USP9Y: variants seen among roughly 807,000 people sequenced by gnomAD.
USP9Y encodes the protein ubiquitin carboxyl-terminal hydrolase 9Y.
In USP9Y, 41 loss-of-function variants were observed where a neutral mutation model predicts 53.1. The ratio of observed to expected loss-of-function variants is 0.77; its 90% CI spans 0.60 to 1.00. The LOEUF (loss-of-function observed/expected upper bound fraction) is 1.00. USP9Y is among the 50% of genes least tolerant of loss of function. The pLI, the probability that USP9Y is intolerant of heterozygous loss-of-function variation, is 0.00. For synonymous variants in USP9Y, 220 were observed against 173.7 expected (o/e 1.27, Z -2.09); for missense variants, 567 against 535.8 (o/e 1.06, Z -0.58).
At chrY:12,745,440 G>A in intron 12 of USP9Y, among the ~76,000 whole-genome samples, 3 of 32,960 alleles carry the variant, frequency 9.1e-5, no homozygotes, top group Non-Finnish European at 1.5e-4. Context: ...TCCTAGGGCT[G>A]TGAGAAAGTG....
intron 22 of USP9Y, among the ~76,000 whole-genome samples, chrY:12,784,249 A>G (rs2053499935): frequency 2.9e-5 from 1 of 34,056 alleles, no homozygotes; most frequent in Non-Finnish European, 7.3e-5. Context: ...GAACATAAAA[A>G]GCATCAGCAG....
At chrY:12,824,919 G>GGTTT (rs2053544815) in intron 33 of USP9Y, among the ~76,000 whole-genome samples, 5 of 31,880 alleles carry the variant, frequency 1.6e-4, no homozygotes, top group Non-Finnish European at 3.1e-4. Context: ...TGTTTTTGTT[G>GGTTT]GTTTGTTTGT....
chrY:12,763,156 G>A (rs2053477005), intron 15 of USP9Y, among the ~76,000 whole-genome samples: 3 of 33,222 alleles, frequency 9.0e-5, no homozygotes, highest in African/African-American at 2.3e-4. Context: ...GTTTATTTTT[G>A]TAAAAACATT....
intron 33 of USP9Y, among the ~76,000 whole-genome samples, chrY:12,832,744 A>T: frequency 3.0e-5 from 1 of 33,370 alleles, no homozygotes; most frequent in African/African-American, 1.2e-4. Context: ...AGAACAGATC[A>T]GTGGTTGCCA....
intron 13 of USP9Y, 41 bp from the exon 14 acceptor site, chrY:12,758,465 G>C: frequency 2.9e-6 from 1 of 346,945 alleles, no homozygotes; most frequent in South Asian, 3.4e-5. Context: ...ATTACATTGA[G>C]TATTGATCCA....
intron 42 of USP9Y, among the ~76,000 whole-genome samples, chrY:12,851,821 C>CT (rs2053571412): frequency 2.4e-4 from 8 of 33,408 alleles, no homozygotes; most frequent in Non-Finnish European, 4.4e-4. Context: ...AAATTCTTTT[C>CT]TTTAAGAACA....
intron 12 of USP9Y, among the ~76,000 whole-genome samples, chrY:12,740,070 A>G (rs2148282259): frequency 3.0e-5 from 1 of 33,457 alleles, no homozygotes; most frequent in East Asian, 7.6e-4. Flanking sequence ...TTTTGGCACA[A>G]TGGTCTCGCT....
At chrY:12,717,642 C>T in intron 3 of USP9Y, among the ~76,000 whole-genome samples, 1 of 33,358 alleles carries the variant, frequency 3.0e-5, no homozygotes, top group Admixed American at 2.7e-4. Context: ...GACCTAGACT[C>T]ACAAATCACA....
intron 3 of USP9Y, among the ~76,000 whole-genome samples, chrY:12,719,947 C>T: frequency 3.1e-5 from 1 of 31,955 alleles, no homozygotes; most frequent in Non-Finnish European, 7.7e-5. Flanking sequence ...CCACCATATC[C>T]GTTTTTGTTT....
rs74364776 is a variant in USP9Y, at chrY:12,740,027, G to T, written c.1422+398G>T. Among the ~76,000 whole-genome samples the T allele has an allele frequency of 0.018, 595 of 33,021 alleles. No homozygotes were observed. In the East Asian group the frequency reaches 0.45, roughly 25 times the overall value. The allele number at this position is 33,021 out of a possible 37,273, so 88.6% of individuals were successfully genotyped here. A position where few individuals can be genotyped will look rare whatever the true frequency, so the allele number is the denominator to read the frequency against. ...AGAAATGAAATTCAAAAAACAAGAGGTTTCTAATATCATAATGTCACTTTT... is the reference window on the plus strand; with the variant it reads ...AGAAATGAAATTCAAAAAACAAGAGTTTTCTAATATCATAATGTCACTTTT... On this transcript the variant is annotated intron_variant, in intron 12 of 45. Transcript: ENST00000338981.
Position 12,840,589 on chromosome Y carries a change from T to C in USP9Y, c.6063T>C (p.Asn2021=). The C allele has an allele frequency of 2.5e-6, 1 of 396,352 alleles. No individual in the cohort carries two copies. The highest frequency in any genetic ancestry group is 3.0e-5 in the South Asian group (1 of 33,779). The change falls in exon 36 of 46, where the codon AAT becomes AAC. Residue 2021 remains asparagine (N), a synonymous_variant. Transcript: ENST00000338981. The part of the protein sequence containing the change: ...FQFVKKLLTC[N]GVYLNPAPGQ... Reference sequence around the variant, plus strand: ...TTGTGAAAAAACTGCTTACATGTAATGGTGTTTATTTAAACCCTGCTCCAG... The same window carrying C: ...TTGTGAAAAAACTGCTTACATGTAACGGTGTTTATTTAAACCCTGCTCCAG...
intron 1 of USP9Y, 89 bp from the exon 2 acceptor site, chrY:12,708,545 C>T (rs1054680573): frequency 2.4e-4 from 8 of 33,585 alleles, no homozygotes; most frequent in Non-Finnish European, 5.9e-4. Context: ...TCTTAAAAGC[C>T]ATTTATAACG....
intron 3 of USP9Y, among the ~76,000 whole-genome samples, chrY:12,710,378 C>G: frequency 6.2e-5 from 2 of 32,440 alleles, no homozygotes; most frequent in Non-Finnish European, 1.5e-4. Flanking sequence ...TTTTTCTTGG[C>G]TTTTTTCCTA....
intron 7 of USP9Y, among the ~76,000 whole-genome samples, chrY:12,728,969 C>T: frequency 3.0e-5 from 1 of 33,841 alleles, no homozygotes; most frequent in South Asian, 6.4e-4. Flanking sequence ...TGGAGTGCAG[C>T]GGCATGATCT....
intron 22 of USP9Y, among the ~76,000 whole-genome samples, chrY:12,782,017 A>G (rs921990641): frequency 3.0e-5 from 1 of 33,199 alleles, no homozygotes; most frequent in African/African-American, 1.2e-4. Flanking sequence ...TATGGCAGCA[A>G]CAGCCATACA....
At chrY:12,769,939 G>T (rs893200897) in intron 15 of USP9Y, among the ~76,000 whole-genome samples, 2 of 32,639 alleles carry the variant, frequency 6.1e-5, no homozygotes, top group African/African-American at 2.4e-4. Flanking sequence ...GACTACAGGC[G>T]TGTGCCACCA....
intron 35 of USP9Y, among the ~76,000 whole-genome samples, chrY:12,839,485 A>ATACT (rs2053558386): frequency 3.0e-5 from 1 of 33,016 alleles, no homozygotes; most frequent in Non-Finnish European, 7.5e-5. Context: ...TCTACATAGC[A>ATACT]TACTTAATAC....
rs755711770 is a variant in USP9Y at position 12,722,180 on chromosome Y, T to C, written c.318T>C (p.Ser106=). The C allele has an allele frequency of 7.4e-5, 29 of 393,274 alleles. No individual in the cohort carries two copies. Among genetic ancestry groups the C allele is most frequent in the Non-Finnish European group, 1.0e-4 (29 of 278,916 alleles). ...TTTTAGAAGCTGCTATTGATCTTAG[T>C]GTAAAAGGTGAGTGTGGATGTACAT... is the stretch of plus-strand genomic sequence containing the variant. The part of the protein sequence containing the change: ...EVLLEAAIDL[S]VKGLDVKSEA... The change falls in exon 5 of 46, where the codon AGT becomes AGC. Residue 106 remains serine, a synonymous_variant. Transcript: ENST00000338981.
chrY:12,846,067 T>C, intron 39 of USP9Y, among the ~76,000 whole-genome samples: 5 of 33,019 alleles, frequency 1.5e-4, no homozygotes, highest in African/African-American at 5.9e-4. Context: ...CCCTAGAAAG[T>C]ATACATTTCC....
Sources: allele counts gnomAD v4.1 joint callset (sites outside exome capture counted in the v4.1 genomes callset), GRCh38; gene constraint gnomAD v4.1.1; transcripts MANE v1.5; gene names NCBI Gene and HGNC (gene_info 2026-07-23, HGNC 2026-07-21).